Variants in ADAMTSL1 observed in about 807,000 individuals in gnomAD.
ADAMTSL1 encodes the protein ADAMTS-like protein 1.
Under a neutral mutation model 201.8 loss-of-function variants are expected in ADAMTSL1, and 126 were observed. The observed-to-expected ratio is 0.62, with a 90% CI of 0.54 to 0.72. The LOEUF (loss-of-function observed/expected upper bound fraction) is 0.72. Among genes scored for constraint, ADAMTSL1 ranks in the 30% least tolerant of loss-of-function variants. The probability of loss-of-function intolerance (pLI) is 0.00; values close to 1 mark genes in which losing one functional copy is unlikely to be tolerated. For missense variants in ADAMTSL1, 2,679 were observed against 2,277.8 expected, an observed-to-expected ratio of 1.18 and a Z score of -3.59; for synonymous variants, 1,121 against 903.4, an observed-to-expected ratio of 1.24 and a Z score of -4.32.
intron 2 of ADAMTSL1, among the ~76,000 whole-genome samples, chr9:18,190,617 C>T (rs1374324806): frequency 6.6e-6 from 1 of 152,178 alleles, no homozygotes; most frequent in Non-Finnish European, 1.5e-5. Flanking sequence ...CAGCAGCTTT[C>T]TCCAAATTTG....
intron 13 of ADAMTSL1, among the ~76,000 whole-genome samples, chr9:18,687,794 C>A (rs1488623109): frequency 2.0e-5 from 3 of 152,114 alleles, no homozygotes; most frequent in African/African-American, 7.2e-5. Flanking sequence ...TGATAAAAGA[C>A]TAAAAACTGA....
At chr9:18,846,038 T>C (rs771670292) in intron 23 of ADAMTSL1, among the ~76,000 whole-genome samples, 7 of 152,230 alleles carry the variant, frequency 4.6e-5, no homozygotes, top group Non-Finnish European at 1.0e-4. Flanking sequence ...GTGCCTAATA[T>C]GTGCCAAACA....
At chr9:18,790,361 C>G (rs1320787946) in intron 19 of ADAMTSL1, among the ~76,000 whole-genome samples, 1 of 152,170 alleles carries the variant, frequency 6.6e-6, no homozygotes, top group Non-Finnish European at 1.5e-5. Flanking sequence ...CTCCTCATAG[C>G]TGGGCATGGA....
intron 26 of ADAMTSL1, among the ~76,000 whole-genome samples, chr9:18,901,927 C>A (rs1830038236): frequency 6.6e-6 from 1 of 151,994 alleles, no homozygotes; most frequent in Non-Finnish European, 1.5e-5. Context: ...TGCTTGAGAT[C>A]TAAAGAAAAA....
chr9:18,892,470 G>A lies in ADAMTSL1; in HGVS notation c.4725G>A (p.Leu1575=). The change falls in exon 26 of 29, where the codon CTG becomes CTA. Residue 1575 remains leucine (L), a synonymous_variant. Coordinates refer to ENST00000380548, the MANE Select transcript of ADAMTSL1 (RefSeq NM_001040272.6). ...CCCGCAGGGTGACCTGTCAAAAGCT[G>A]AAAGCCTCTGGGATCTCCACCCCTG... ...VQTRRVTCQK[L]KASGISTPVS... is the part of the protein sequence containing the mutation. 1.2e-6 allele frequency: 2 copies of A among 1,612,876 alleles called. No homozygotes were observed. Among genetic ancestry groups the A allele is most frequent in the South Asian group, 1.1e-5 (1 of 90,576 alleles).
chr9:18,244,244 G>T (rs1831176006), intron 2 of ADAMTSL1, among the ~76,000 whole-genome samples: 1 of 152,000 alleles, frequency 6.6e-6, no homozygotes, highest in East Asian at 1.9e-4. Flanking sequence ...GAGAATGGCA[G>T]CCTGTCTGGC....
chr9:17,995,647 G>A (rs1257922932), intron 1 of ADAMTSL1, among the ~76,000 whole-genome samples: 1 of 151,950 alleles, frequency 6.6e-6, no homozygotes, highest in Non-Finnish European at 1.5e-5. Flanking sequence ...TCTTTATTCT[G>A]TGAATTCCTT....
chr9:18,285,555 C>G (rs1053388518), intron 2 of ADAMTSL1, among the ~76,000 whole-genome samples: 1 of 152,088 alleles, frequency 6.6e-6, no homozygotes, highest in Non-Finnish European at 1.5e-5. Context: ...TTTGGAAACT[C>G]TGTAGCTATA....
chr9:18,792,152 A>C (rs1006785178), intron 19 of ADAMTSL1, among the ~76,000 whole-genome samples: 4 of 151,694 alleles, frequency 2.6e-5, no homozygotes, highest in African/African-American at 9.7e-5. Flanking sequence ...TGCCCCTCTC[A>C]CTCCTTCCTC....
At chr9:18,649,187 T>A (rs1380767764) in intron 7 of ADAMTSL1, among the ~76,000 whole-genome samples, 1 of 152,244 alleles carries the variant, frequency 6.6e-6, no homozygotes, top group Admixed American at 6.5e-5. Flanking sequence ...CATCAGCTCC[T>A]GAGGCTTCTG....
At chr9:18,638,332 C>T (rs1404823648) in intron 6 of ADAMTSL1, among the ~76,000 whole-genome samples, 1 of 152,006 alleles carries the variant, frequency 6.6e-6, no homozygotes, top group Non-Finnish European at 1.5e-5. Context: ...ACCCAGAGCC[C>T]CATCCAAGCA....
chr9:18,450,257 A>G (rs536111510), intron 2 of ADAMTSL1, among the ~76,000 whole-genome samples: 8 of 152,178 alleles, frequency 5.3e-5, no homozygotes, highest in Admixed American at 3.3e-4. Flanking sequence ...GAAATATTCT[A>G]TATCTTGATT....
intron 2 of ADAMTSL1, among the ~76,000 whole-genome samples, chr9:18,217,028 A>T (rs1291717189): frequency 6.6e-6 from 1 of 152,032 alleles, no homozygotes; most frequent in African/African-American, 2.4e-5. Flanking sequence ...ATGAGGGGTC[A>T]AGTAGAGAAT....
chr9:18,576,118 AATACGGTATAATTTGTAAATT>A (rs1324164015), intron 4 of ADAMTSL1, among the ~76,000 whole-genome samples: 5 of 152,130 alleles, frequency 3.3e-5, no homozygotes, highest in African/African-American at 1.2e-4. Context: ...TTTGAGAGCA[AATACGGTATAATTTGTAAATT>A]ATACCGTATT....
intron 1 of ADAMTSL1, among the ~76,000 whole-genome samples, chr9:18,039,303 T>A (rs952683633): frequency 3.9e-5 from 6 of 152,202 alleles, no homozygotes; most frequent in African/African-American, 1.2e-4. Flanking sequence ...GAAAATGTCA[T>A]CTTTTGGAAT....
In ADAMTSL1 at chr9:18,144,871, A is replaced by G. The variant is rs149290430; in HGVS notation, c.88-18991A>G. Among the ~76,000 whole-genome samples, 206 of 152,274 alleles carry G rather than the reference A, an allele frequency of 1.4e-3. 1 individual carries two copies. The highest frequency in any genetic ancestry group is 4.6e-3 in the African/African-American group (192 of 41,568). On this transcript the variant is annotated intron_variant, in intron 1 of 29. Coordinates refer to the ADAMTSL1 transcript ENST00000680146. The stretch of plus-strand genomic sequence containing the variant: ...CACTCTGTTTCTAAACAGTGGGACT[A>G]TGATGGAGTTACAGCAAAATGAACT...
intron 1 of ADAMTSL1, among the ~76,000 whole-genome samples, chr9:18,106,783 A>G (rs1226602216): frequency 2.0e-5 from 3 of 152,210 alleles, no homozygotes; most frequent in African/African-American, 7.2e-5. Context: ...GCAATTGTAC[A>G]TTTGAGTTGC....
chr9:18,524,796 T>A (rs1167450493), intron 2 of ADAMTSL1, among the ~76,000 whole-genome samples: 1 of 152,220 alleles, frequency 6.6e-6, no homozygotes, highest in Non-Finnish European at 1.5e-5. Context: ...GAAGCCCACT[T>A]GATCATGGTG....
intron 1 of ADAMTSL1, among the ~76,000 whole-genome samples, chr9:17,952,853 T>A (rs1419644754): frequency 6.6e-6 from 1 of 152,118 alleles, no homozygotes; most frequent in African/African-American, 2.4e-5. Context: ...AACTATAATT[T>A]AAATCTGTAC....
Sources: allele counts gnomAD v4.1 joint callset (sites outside exome capture counted in the v4.1 genomes callset), GRCh38; gene constraint gnomAD v4.1.1; transcripts MANE v1.5; gene names NCBI Gene and HGNC (gene_info 2026-07-23, HGNC 2026-07-21).